Variants in DPY19L1 observed in about 807,000 individuals in gnomAD.
DPY19L1 encodes protein C-mannosyl-transferase DPY19L1.
In DPY19L1, 35 loss-of-function variants were observed where a neutral mutation model predicts 96.9. That is an observed-to-expected ratio of 0.36 (90% CI 0.28 to 0.48). The LOEUF (loss-of-function observed/expected upper bound fraction) is 0.48, where lower values mean the gene tolerates loss of function less well. Among genes scored for constraint, DPY19L1 ranks in the 20% least tolerant of loss-of-function variants. The pLI is 0.99. For missense variants in DPY19L1, 521 were observed against 777.9 expected, an observed-to-expected ratio of 0.67 and a Z score of 3.93; for synonymous variants, 205 against 252.6, an observed-to-expected ratio of 0.81 and a Z score of 1.79.
intron 8 of DPY19L1, among the ~76,000 whole-genome samples, chr7:34,973,140 C>A (rs13310717): frequency 3.9e-5 from 6 of 152,132 alleles, no homozygotes; most frequent in Non-Finnish European, 8.8e-5. Flanking sequence ...TGTGAATTAT[C>A]CTTTGCCCCA....
chr7:35,030,265 T>C (rs1476166353), intron 1 of DPY19L1, among the ~76,000 whole-genome samples: 1 of 152,206 alleles, frequency 6.6e-6, no homozygotes, highest in Non-Finnish European at 1.5e-5. Context: ...GGCAGAGTAG[T>C]AGCACTTTGG....
Position 34,973,607 on chromosome 7 carries a change from T to C in DPY19L1, c.823-2A>G. The C allele has an allele frequency of 7.0e-7, 1 of 1,432,594 alleles. No homozygotes were observed. Among genetic ancestry groups the C allele is most frequent in the Non-Finnish European group, 9.2e-7 (1 of 1,088,182 alleles). 88.7% of individuals were successfully genotyped at this position (1,432,594 alleles called of 1,614,324 possible). A position where few individuals can be genotyped will look rare whatever the true frequency, so the allele number is the denominator to read the frequency against. On this transcript the variant is annotated splice_acceptor_variant, in intron 7 of 21. Coordinates refer to ENST00000638088, the MANE Select transcript of DPY19L1 (RefSeq NM_001366673.1). LOFTEE classifies it high-confidence loss of function. The stretch of plus-strand genomic sequence containing the variant: ...TGGTGTCCACATTACACGGGTACAC[T>C]GAAAAAAAAAATTTGTAGTATAGTA...
chr7:34,949,905 A>G lies in DPY19L1; in HGVS notation c.1321-7T>C. ...GTAAGTTGCCAATATGAGCCTGGTA[A>G]GAAATAAAGTTACCATTATATTAAG... On this transcript the variant is annotated splice_region_variant and splice_polypyrimidine_tract_variant and intron_variant, in intron 13 of 21. Transcript: ENST00000638088. 6.9e-7 allele frequency: 1 copy of G among 1,458,044 alleles called. No individual in the cohort carries two copies. The highest frequency in any genetic ancestry group is 9.5e-7 in the Non-Finnish European group (1 of 1,057,124). 90.3% of individuals were successfully genotyped at this position (1,458,044 alleles called of 1,614,324 possible).
chr7:35,002,125 CA>C (rs548044939), intron 6 of DPY19L1, among the ~76,000 whole-genome samples: 911 of 47,060 alleles, frequency 0.019, 1 homozygote, highest in African/African-American at 0.026. Flanking sequence ...GACTCCAGCT[CA>C]AAAAAAAAAA....
intron 7 of DPY19L1, among the ~76,000 whole-genome samples, chr7:34,989,170 A>G (rs1203965954): frequency 6.6e-6 from 1 of 152,228 alleles, no homozygotes; most frequent in African/African-American, 2.4e-5. Context: ...AGTACTTAAA[A>G]GAGTATCAAA....
chr7:34,960,553 C>T (rs1425872352), intron 10 of DPY19L1, among the ~76,000 whole-genome samples: 2 of 152,104 alleles, frequency 1.3e-5, no homozygotes, highest in Non-Finnish European at 2.9e-5. Flanking sequence ...ATGATATCAA[C>T]TACAAACAAT....
chr7:34,962,470 A>C (rs1584221300), intron 10 of DPY19L1, among the ~76,000 whole-genome samples: 1 of 152,248 alleles, frequency 6.6e-6, no homozygotes, highest in Non-Finnish European at 1.5e-5. Flanking sequence ...GGTGGAGCAC[A>C]GAAGAGCTTT....
intron 10 of DPY19L1, among the ~76,000 whole-genome samples, chr7:34,965,133 C>A (rs397842360): frequency 1.3e-5 from 2 of 151,962 alleles, no homozygotes; most frequent in Non-Finnish European, 2.9e-5. Context: ...AGTTTACTAC[C>A]AGGTAAATAC....
intron 1 of DPY19L1, among the ~76,000 whole-genome samples, chr7:35,024,064 C>T (rs1405444490): frequency 3.9e-5 from 6 of 151,992 alleles, no homozygotes; most frequent in African/African-American, 1.5e-4. Context: ...TATCGATCTC[C>T]TGGCCTTGTG....
At chr7:34,962,151 C>T (rs13309507) in intron 10 of DPY19L1, among the ~76,000 whole-genome samples, 14 of 152,292 alleles carry the variant, frequency 9.2e-5, no homozygotes, top group South Asian at 2.1e-4. Flanking sequence ...CAGATGTTTA[C>T]GGCAGCTTTA....
Position 34,941,746 on chromosome 7 carries a change from C to G in DPY19L1, c.1689+19G>C. The G allele has an allele frequency of 1.3e-6, 2 of 1,598,138 alleles. No homozygotes were observed. Among genetic ancestry groups the G allele is most frequent in the Non-Finnish European group, 1.7e-6 (2 of 1,176,148 alleles). On this transcript the variant is annotated intron_variant, in intron 18 of 21. Coordinates refer to ENST00000638088, the MANE Select transcript of DPY19L1 (RefSeq NM_001366673.1). ...GGCTAAAATTATCATAGTAGCTATA[C>G]TCCAACATAACATGTTACCTGTCTT...
chr7:35,007,990 C>T (rs1301556112), intron 6 of DPY19L1, among the ~76,000 whole-genome samples: 1 of 152,072 alleles, frequency 6.6e-6, no homozygotes, highest in Non-Finnish European at 1.5e-5. Flanking sequence ...GAATCCTCCA[C>T]AACACTCCCT....
At chr7:35,032,783 CCAAAAATGT>C (rs1355800579) in intron 1 of DPY19L1, among the ~76,000 whole-genome samples, 3 of 152,120 alleles carry the variant, frequency 2.0e-5, no homozygotes. Flanking sequence ...ATTAGAGAAG[CCAAAAATGT>C]ACAAAGTATT....
At chr7:35,013,508 C>G (rs1180109008) in intron 4 of DPY19L1, 60 bp downstream of exon 4, 1 of 1,328,604 alleles carries the variant, frequency 7.5e-7, no homozygotes, top group Non-Finnish European at 1.1e-6. Context: ...TTAGAATCAG[C>G]GTTTAATACA....
At chr7:34,971,557 G>T (rs1406694755) in intron 8 of DPY19L1, among the ~76,000 whole-genome samples, 4 of 152,146 alleles carry the variant, frequency 2.6e-5, no homozygotes, top group Admixed American at 2.6e-4. Flanking sequence ...AGATGGCCTG[G>T]AATATGAGAA....
At chr7:34,973,749 A>G (rs1263510783) in intron 7 of DPY19L1, 144 bp from the exon 8 acceptor site, 3 of 398,346 alleles carry the variant, frequency 7.5e-6, no homozygotes, top group Non-Finnish European at 1.3e-5. Flanking sequence ...TTTATTCCAT[A>G]AACAGCAAAA....
At position 34,971,100 on chromosome 7, in the gene DPY19L1, C is replaced by T. The variant is rs181658954; in HGVS notation, c.915-1568G>A. ...CAGCTTCTTCTTGCCTCCACCAAGC[C>T]ATCGCCACCCACCACCTCCCTCTAA... On this transcript the variant is annotated intron_variant, in intron 8 of 21. Transcript: ENST00000638088. Among the ~76,000 whole-genome samples, 428 of 152,240 alleles carry T rather than the reference C, an allele frequency of 2.8e-3. 1 individual carries two copies. Among genetic ancestry groups the T allele is most frequent in the Admixed American group, 5.0e-3 (77 of 15,286 alleles).
chr7:34,944,846 G>A (rs969216736), intron 16 of DPY19L1, among the ~76,000 whole-genome samples: 8 of 152,130 alleles, frequency 5.3e-5, no homozygotes, highest in African/African-American at 1.9e-4. Flanking sequence ...ATGTTTTACT[G>A]TGTATTGCCA....
chr7:34,999,591 G>T (rs1181431443), intron 6 of DPY19L1, among the ~76,000 whole-genome samples: 4 of 152,166 alleles, frequency 2.6e-5, no homozygotes, highest in Non-Finnish European at 5.9e-5. Flanking sequence ...TCGCTAAACG[G>T]AAGCCCAGGG....
Sources: gnomAD v4.1 joint callset for allele counts (sites outside exome capture counted in the v4.1 genomes callset) on GRCh38, gnomAD v4.1.1 for gene constraint, MANE v1.5 for transcripts, NCBI Gene and HGNC (gene_info 2026-07-23, HGNC 2026-07-21) for gene names.